Variants in ADCY2 observed in about 807,000 individuals in gnomAD.
The protein encoded by ADCY2 is adenylate cyclase type 2.
A neutral mutation model predicts 125.2 loss-of-function variants in ADCY2; 31 were observed. That is an observed-to-expected ratio of 0.25 (90% CI 0.19 to 0.33). The LOEUF (loss-of-function observed/expected upper bound fraction) is 0.33. Ranked by LOEUF, ADCY2 falls within the 10% of genes least tolerant of loss-of-function variation. The pLI is 1.00. For missense variants in ADCY2, 904 were observed against 1,418.2 expected, an observed-to-expected ratio of 0.64 and a Z score of 5.82; for synonymous variants, 512 against 548.4, an observed-to-expected ratio of 0.93 and a Z score of 0.93.
intron 10 of ADCY2, among the ~76,000 whole-genome samples, chr5:7,711,922 A>C (rs1176601064): frequency 6.6e-6 from 1 of 152,218 alleles, no homozygotes; most frequent in Non-Finnish European, 1.5e-5. Flanking sequence ...ACTTTCAGAA[A>C]GACCTCACTG....
chr5:7,796,446 A>G (rs1744423530), intron 20 of ADCY2: 1 of 152,178 alleles, frequency 6.6e-6, no homozygotes, highest in Non-Finnish European at 1.5e-5. Flanking sequence ...TCTCCTACCC[A>G]CTGCATCAAT....
chr5:7,816,377 T>G (rs1745111316), intron 22 of ADCY2, among the ~76,000 whole-genome samples: 1 of 152,138 alleles, frequency 6.6e-6, no homozygotes. Flanking sequence ...GCCCCAAGCC[T>G]CCTCCCTGCT....
intron 1 of ADCY2, among the ~76,000 whole-genome samples, chr5:7,403,937 T>TACACACACACACAC (rs370540720): frequency 5.7e-5 from 8 of 140,452 alleles, no homozygotes; most frequent in African/African-American, 1.5e-4. Context: ...CTTTCAATGC[T>TACACACACACACAC]ACACACACAC....
rs1745540501 is a variant in ADCY2 at position 7,827,875 on chromosome 5, G to C, written c.*1004G>C. The C allele has an allele frequency of 6.6e-6, 1 of 152,412 alleles. No homozygotes were observed. Among genetic ancestry groups the C allele is most frequent in the Non-Finnish European group, 1.5e-5 (1 of 68,052 alleles). 9.4% of individuals were successfully genotyped at this position (152,412 alleles called of 1,614,324 possible). ...CCGTCCACTACGCTCCTGTCTCCAA[G>C]AATGTTTTGCTAGAGCTAACAGACA... On this transcript the variant is annotated 3_prime_UTR_variant, in exon 25 of 25. Transcript: ENST00000338316.
chr5:7,710,021 G>A (rs1741391718), intron 10 of ADCY2, among the ~76,000 whole-genome samples: 1 of 152,122 alleles, frequency 6.6e-6, no homozygotes, highest in African/African-American at 2.4e-5. Context: ...ACTATCTGGG[G>A]GTAAAATTTC....
chr5:7,768,262 A>G (rs1743454392), intron 17 of ADCY2, among the ~76,000 whole-genome samples: 2 of 152,176 alleles, frequency 1.3e-5, no homozygotes, highest in South Asian at 4.1e-4. Flanking sequence ...AGTTATGTGA[A>G]AAGTGAAAAG....
intron 2 of ADCY2, among the ~76,000 whole-genome samples, chr5:7,505,960 T>G (rs1324137213): frequency 6.6e-6 from 1 of 151,310 alleles, no homozygotes; most frequent in Admixed American, 6.6e-5. Context: ...TTATATAACA[T>G]TTTATTTTTT....
chr5:7,742,983 CTTTGAATTATTTAATTATTTAAGGGACCT>C (rs1742480935), intron 14 of ADCY2, among the ~76,000 whole-genome samples: 1 of 152,040 alleles, frequency 6.6e-6, no homozygotes, highest in Admixed American at 6.6e-5. Flanking sequence ...TTTTAAAAGG[CTTTGAATTATTTAATTATTTAAGGGACCT>C]TTCGGATATG....
chr5:7,791,671 T>C (rs915650423), intron 20 of ADCY2, among the ~76,000 whole-genome samples: 16 of 152,276 alleles, frequency 1.1e-4, no homozygotes, highest in Admixed American at 3.9e-4. Context: ...TAAAGGGCCC[T>C]CTGTTCTCGT....
intron 15 of ADCY2, among the ~76,000 whole-genome samples, chr5:7,749,529 A>C (rs1382205041): frequency 6.6e-6 from 1 of 152,206 alleles, no homozygotes; most frequent in Non-Finnish European, 1.5e-5. Context: ...TTGTAGCAGT[A>C]ATAGTAATAA....
intron 14 of ADCY2, among the ~76,000 whole-genome samples, chr5:7,731,858 C>T (rs1198955628): frequency 6.6e-6 from 1 of 152,216 alleles, no homozygotes; most frequent in Non-Finnish European, 1.5e-5. Context: ...CTGCCTCGGC[C>T]TCCCAAAGTG....
chr5:7,800,489 C>G (rs1035423826), intron 20 of ADCY2: 1 of 152,126 alleles, frequency 6.6e-6, no homozygotes, highest in Non-Finnish European at 1.5e-5. Flanking sequence ...TGGTGAAACC[C>G]TGTCTCTACT....
chr5:7,798,318 G>A (rs1744488376), intron 20 of ADCY2: 1 of 152,388 alleles, frequency 6.6e-6, no homozygotes, highest in Non-Finnish European at 1.5e-5. Context: ...AACATCCACA[G>A]GAGGAAAGCC....
At chr5:7,611,071 A>G (rs1737559173) in intron 3 of ADCY2, 1 of 152,154 alleles carries the variant, frequency 6.6e-6, no homozygotes, top group Admixed American at 6.5e-5. Flanking sequence ...TTCTGTTAGG[A>G]AAACAACTTT....
intron 1 of ADCY2, among the ~76,000 whole-genome samples, chr5:7,414,013 G>A (rs960384148): frequency 6.6e-6 from 1 of 152,086 alleles, no homozygotes; most frequent in Non-Finnish European, 1.5e-5. Context: ...GCGCCCTCCT[G>A]TATGCATTTC....
intron 2 of ADCY2, among the ~76,000 whole-genome samples, chr5:7,472,310 A>G (rs153698): frequency 0.17 from 25,120 of 152,170 alleles, 2,778 homozygotes; most frequent in East Asian, 0.5. Context: ...TTCACTTGTG[A>G]ATCTATCAAA....
intron 2 of ADCY2, among the ~76,000 whole-genome samples, chr5:7,499,648 G>GATAGATATATATATAT (rs1554014327): frequency 8.4e-6 from 1 of 118,430 alleles, no homozygotes; most frequent in Non-Finnish European, 1.7e-5. Context: ...TATGTGGGTG[G>GATAGATATATATATAT]ATATATATAT....
At chr5:7,457,906 T>C (rs17228455) in intron 2 of ADCY2, among the ~76,000 whole-genome samples, 5,045 of 152,298 alleles carry the variant, frequency 0.033, 101 homozygotes, top group South Asian at 0.06. Flanking sequence ...AATCTCAAAA[T>C]TTGACTAATA....
At chr5:7,420,454 C>A (rs1012412593) in intron 2 of ADCY2, among the ~76,000 whole-genome samples, 1 of 152,064 alleles carries the variant, frequency 6.6e-6, no homozygotes, top group Non-Finnish European at 1.5e-5. Flanking sequence ...TGGGAGGAGT[C>A]ACTGGGAAAA....
Sources: gnomAD v4.1 joint callset for allele counts (sites outside exome capture counted in the v4.1 genomes callset) on GRCh38, gnomAD v4.1.1 for gene constraint, MANE v1.5 for transcripts, NCBI Gene and HGNC (gene_info 2026-07-23, HGNC 2026-07-21) for gene names.